Variants in ANKRD6 observed in about 807,000 individuals in gnomAD.
ANKRD6 encodes ankyrin repeat domain 6.
A neutral mutation model predicts 82.3 loss-of-function variants in ANKRD6; 56 were observed. The ratio of observed to expected loss-of-function variants is 0.68; its 90% confidence interval spans 0.55 to 0.85. The LOEUF (loss-of-function observed/expected upper bound fraction) is 0.85, where lower values mean the gene tolerates loss of function less well. Ranked by LOEUF, ANKRD6 falls within the 40% of genes least tolerant of loss-of-function variation. The pLI is 0.00. For missense variants in ANKRD6, 852 were observed against 907.6 expected, an observed-to-expected ratio of 0.94 and a Z score of 0.79; for synonymous variants, 347 against 352.1, an observed-to-expected ratio of 0.99 and a Z score of 0.16.
At chr6:89,616,891 A>G (rs1453677688) in intron 8 of ANKRD6, 1 of 652,126 alleles carries the variant, frequency 1.5e-6, no homozygotes, top group Non-Finnish European at 2.8e-6. Flanking sequence ...ACTGCAGTGA[A>G]CACAACCTGG....
chr6:89,515,963 C>T (rs1781163528), intron 1 of ANKRD6, among the ~76,000 whole-genome samples: 1 of 152,142 alleles, frequency 6.6e-6, no homozygotes, highest in Admixed American at 6.5e-5. Context: ...CATCTGCAGC[C>T]ACAAGAAGCT....
chr6:89,456,318 GC>G (rs976959017), intron 1 of ANKRD6, among the ~76,000 whole-genome samples: 10 of 152,114 alleles, frequency 6.6e-5, no homozygotes, highest in African/African-American at 2.4e-4. Context: ...ATCTTAGTTT[GC>G]CAGGGCTGCC....
At chr6:89,580,570 G>A (rs1011612982) in intron 2 of ANKRD6, among the ~76,000 whole-genome samples, 3 of 152,072 alleles carry the variant, frequency 2.0e-5, no homozygotes, top group African/African-American at 7.2e-5. Flanking sequence ...GTGAGAACAG[G>A]CTCTGCACCG....
intron 2 of ANKRD6, among the ~76,000 whole-genome samples, chr6:89,569,839 A>G (rs1461694820): frequency 6.6e-6 from 1 of 152,188 alleles, no homozygotes; most frequent in African/African-American, 2.4e-5. Context: ...ATTAGTTCAA[A>G]TACTGCTAAA....
intron 1 of ANKRD6, among the ~76,000 whole-genome samples, chr6:89,523,164 AGG>A (rs1362004307): frequency 6.6e-6 from 1 of 152,186 alleles, no homozygotes; most frequent in Admixed American, 6.5e-5. Flanking sequence ...GCCTCAGAAA[AGG>A]GTGTTTAAGG....
At position 89,528,180 on chromosome 6, in the gene ANKRD6, C is replaced by A. The variant is rs1583100384; in HGVS notation, c.-143-38654C>A. On this transcript the variant is annotated intron_variant, in intron 1 of 15. Transcript: ENST00000339746. ...TTGACTCTTCTTTCACAAAAGATTT[C>A]TCTGTAGCATGTGATGCTGTTTGAT... Among the ~76,000 whole-genome samples, 3 of 152,214 alleles carry A rather than the reference C, an allele frequency of 2.0e-5. No homozygotes were observed. The South Asian group carries it at 6.2e-4, about 31-fold the overall frequency.
intron 2 of ANKRD6, among the ~76,000 whole-genome samples, chr6:89,585,350 C>T (rs1793465092): frequency 6.6e-6 from 1 of 152,138 alleles, no homozygotes; most frequent in South Asian, 2.1e-4. Context: ...TTCTAGCCAC[C>T]ACAGTAAGGC....
At chr6:89,551,332 T>A (rs571763617) in intron 1 of ANKRD6, among the ~76,000 whole-genome samples, 1 of 152,350 alleles carries the variant, frequency 6.6e-6, no homozygotes, top group South Asian at 2.1e-4. Flanking sequence ...TTCCTGCCTT[T>A]TTTTCTGTCA....
chr6:89,496,542 A>C (rs949708590), intron 1 of ANKRD6, among the ~76,000 whole-genome samples: 2 of 152,220 alleles, frequency 1.3e-5, no homozygotes, highest in East Asian at 3.9e-4. Flanking sequence ...ATTTATTTTG[A>C]GATGGAGTCT....
At chr6:89,562,989 T>A (rs1787688373) in intron 1 of ANKRD6, 1 of 152,190 alleles carries the variant, frequency 6.6e-6, no homozygotes, top group South Asian at 2.1e-4. Flanking sequence ...AGTTCCTGGG[T>A]GCCTGTGGGC....
At chr6:89,623,042 C>A (rs1804164466) in intron 10 of ANKRD6, among the ~76,000 whole-genome samples, 1 of 145,314 alleles carries the variant, frequency 6.9e-6, no homozygotes, top group African/African-American at 2.5e-5. Flanking sequence ...GGGAGGGGGG[C>A]TGCATCCGAG....
At chr6:89,552,614 G>A (rs532025625) in intron 1 of ANKRD6, among the ~76,000 whole-genome samples, 1 of 152,308 alleles carries the variant, frequency 6.6e-6, no homozygotes, top group Admixed American at 6.5e-5. Context: ...TTAGCCTCTT[G>A]TTGACTTTAC....
At chr6:89,437,182 T>C (rs555574831) in intron 1 of ANKRD6, among the ~76,000 whole-genome samples, 74 of 152,280 alleles carry the variant, frequency 4.9e-4, no homozygotes, top group African/African-American at 1.7e-3. Flanking sequence ...AAGGAAATAT[T>C]TACAGATTCC....
chr6:89,485,030 G>T (rs958484443), intron 1 of ANKRD6, among the ~76,000 whole-genome samples: 7 of 152,142 alleles, frequency 4.6e-5, no homozygotes, highest in Admixed American at 1.3e-4. Context: ...TTGCCACACT[G>T]TATGGGGGCA....
chr6:89,603,901 G>A (rs1024526403), intron 4 of ANKRD6, among the ~76,000 whole-genome samples: 1 of 152,240 alleles, frequency 6.6e-6, no homozygotes, highest in Non-Finnish European at 1.5e-5. Flanking sequence ...TACTCAGGAA[G>A]CTGAGATGGG....
At chr6:89,617,745 G>A (rs1801948711) in intron 8 of ANKRD6, among the ~76,000 whole-genome samples, 3 of 152,210 alleles carry the variant, frequency 2.0e-5, no homozygotes, top group African/African-American at 4.8e-5. Flanking sequence ...TTTACTTAGC[G>A]TGTCTTCCAG....
Position 89,630,975 on chromosome 6 carries a change from C to G in ANKRD6, c.2155C>G (p.Leu719Val). 6.3e-7 allele frequency: 1 copy of G among 1,574,832 alleles called. No individual in the cohort carries two copies. The highest frequency in any genetic ancestry group is 8.6e-7 in the Non-Finnish European group (1 of 1,161,360). The change falls in exon 16 of 16, where the codon CTA (leucine) becomes GTA (valine). Residue 719 changes from leucine to valine, a missense_variant. By Grantham distance (32) the Leu-to-Val change is conservative. Transcript: ENST00000339746. ...IKSLEEELAKLRTRVQKEN is the reference protein window; with the variant it reads ...IKSLEEELAKVRTRVQKEN ...AAGTTTAGAAGAGGAACTTGCCAAA[C>G]TAAGGACTAGGGTGCAGAAGGAAAA...
chr6:89,495,497 G>A (rs146425422), intron 1 of ANKRD6, among the ~76,000 whole-genome samples: 28 of 152,208 alleles, frequency 1.8e-4, no homozygotes, highest in Admixed American at 3.3e-4. Context: ...CGTAGATGTC[G>A]GCTTGTGTTG....
At chr6:89,604,199 A>T (rs1277345181) in intron 4 of ANKRD6, among the ~76,000 whole-genome samples, 2 of 152,156 alleles carry the variant, frequency 1.3e-5, no homozygotes, top group Non-Finnish European at 2.9e-5. Flanking sequence ...ATGGTGGCGC[A>T]TGCCTGTAAA....
Sources: allele counts gnomAD v4.1 joint callset (sites outside exome capture counted in the v4.1 genomes callset), GRCh38; gene constraint gnomAD v4.1.1; transcripts MANE v1.5; gene names NCBI Gene and HGNC (gene_info 2026-07-23, HGNC 2026-07-21).